The following DCC variants were observed in gnomAD, a reference collection of about 807,000 sequenced individuals.
DCC encodes DCC netrin 1 receptor.
Under a neutral mutation model 172.5 loss-of-function variants are expected in DCC, and 58 were observed. The ratio of observed to expected loss-of-function variants is 0.34; its 90% confidence interval spans 0.27 to 0.42. The LOEUF is 0.42. DCC is among the 10% of genes least tolerant of loss of function. The probability of loss-of-function intolerance (pLI) is 1.00; values close to 1 mark genes in which losing one functional copy is unlikely to be tolerated. For synonymous variants in DCC, 709 were observed against 644.5 expected, an observed-to-expected ratio of 1.10 and a Z score of -1.52; for missense variants, 1,740 against 1,791.0, an observed-to-expected ratio of 0.97 and a Z score of 0.51.
At chr18:53,287,628 A>G (rs932510965) in intron 12 of DCC, among the ~76,000 whole-genome samples, 4 of 152,128 alleles carry the variant, frequency 2.6e-5, no homozygotes, top group Admixed American at 6.5e-5. Context: ...CCCACCAGCC[A>G]GTTGTGTGAA....
intron 14 of DCC, 37 bp downstream of exon 14, chr18:53,322,194 C>A: frequency 9.3e-7 from 1 of 1,080,254 alleles, no homozygotes; most frequent in Non-Finnish European, 1.4e-6. Context: ...CTCTGATTAT[C>A]TTCTTGTTAT....
At chr18:53,412,265 C>T (rs910944579) in intron 20 of DCC, among the ~76,000 whole-genome samples, 2 of 152,020 alleles carry the variant, frequency 1.3e-5, no homozygotes, top group Non-Finnish European at 2.9e-5. Flanking sequence ...ATGTCATGCT[C>T]GATAATAGTC....
chr18:52,357,231 GAA>G (rs1984409422), intron 1 of DCC, among the ~76,000 whole-genome samples: 1 of 152,050 alleles, frequency 6.6e-6, no homozygotes, highest in Admixed American at 6.5e-5. Flanking sequence ...TCCAATAAAA[GAA>G]ACCAGAGCTC....
intron 1 of DCC, among the ~76,000 whole-genome samples, chr18:52,693,771 G>C (rs116612678): frequency 0.013 from 1,965 of 152,048 alleles, 35 homozygotes; most frequent in African/African-American, 0.045. Context: ...ATATGAAAGA[G>C]CTCCCAATTG....
At chr18:52,418,592 A>T (rs149055896) in intron 1 of DCC, among the ~76,000 whole-genome samples, 1 of 152,246 alleles carries the variant, frequency 6.6e-6, no homozygotes, top group African/African-American at 2.4e-5. Flanking sequence ...GGAGATGGGG[A>T]CAGAAGGTTG....
At chr18:52,435,959 T>C (rs1168351703) in intron 1 of DCC, among the ~76,000 whole-genome samples, 2 of 152,218 alleles carry the variant, frequency 1.3e-5, no homozygotes, top group African/African-American at 2.4e-5. Context: ...AGATGACCCA[T>C]GGCAACCATC....
At chr18:53,415,822 T>A (rs1910281636) in intron 20 of DCC, among the ~76,000 whole-genome samples, 1 of 150,644 alleles carries the variant, frequency 6.6e-6, no homozygotes, top group South Asian at 2.1e-4. Context: ...AGTTTTTTTT[T>A]ACTGTTAATT....
chr18:53,237,348 A>G (rs1380953557), intron 12 of DCC, among the ~76,000 whole-genome samples: 2 of 152,272 alleles, frequency 1.3e-5, no homozygotes, highest in African/African-American at 4.8e-5. Flanking sequence ...AAAGTGTTTT[A>G]TATATCTTGG....
chr18:53,438,542 A>G (rs1912087072), intron 22 of DCC, among the ~76,000 whole-genome samples: 1 of 152,250 alleles, frequency 6.6e-6, no homozygotes, highest in Non-Finnish European at 1.5e-5. Flanking sequence ...ATACATGAAT[A>G]GGCAACTAGA....
chr18:52,625,553 TTC>T (rs1407440697), intron 1 of DCC, among the ~76,000 whole-genome samples: 3 of 152,092 alleles, frequency 2.0e-5, no homozygotes, highest in Admixed American at 2.0e-4. Flanking sequence ...TCATTAATGT[TTC>T]TCTCTCTACT....
intron 7 of DCC, among the ~76,000 whole-genome samples, chr18:53,142,699 C>T (rs1302238088): frequency 1.3e-5 from 2 of 152,180 alleles, no homozygotes; most frequent in African/African-American, 2.4e-5. Flanking sequence ...CCACTGCTAA[C>T]GTCTCACATG....
At chr18:53,405,029 C>G (rs1909571314) in intron 19 of DCC, among the ~76,000 whole-genome samples, 1 of 151,806 alleles carries the variant, frequency 6.6e-6, no homozygotes, top group South Asian at 2.1e-4. Flanking sequence ...CAATAAGAAC[C>G]CTTAAGAGAA....
chr18:52,586,614 A>G (rs966358466), intron 1 of DCC, among the ~76,000 whole-genome samples: 2 of 152,180 alleles, frequency 1.3e-5, no homozygotes, highest in African/African-American at 4.8e-5. Flanking sequence ...TGTTGCAGGA[A>G]CAGGAAGCAA....
intron 1 of DCC, among the ~76,000 whole-genome samples, chr18:52,457,618 AC>A (rs1232818507): frequency 1.3e-5 from 2 of 152,180 alleles, no homozygotes; most frequent in African/African-American, 4.8e-5. Context: ...ATGTTAGTAA[AC>A]GGCCAAAGAA....
At chr18:53,527,071 C>T (rs1598851644) in intron 28 of DCC, 1 of 375,652 alleles carries the variant, frequency 2.7e-6, no homozygotes, top group Non-Finnish European at 5.1e-6. Flanking sequence ...TACATATACA[C>T]ATGATATACA....
chr18:53,299,474 C>T (rs1404345592), intron 12 of DCC, among the ~76,000 whole-genome samples: 2 of 152,172 alleles, frequency 1.3e-5, no homozygotes, highest in South Asian at 4.1e-4. Flanking sequence ...GTTTTAAATA[C>T]CATTCCCAAC....
At chr18:53,353,788 ACTT>A (rs2057841688) in intron 15 of DCC, among the ~76,000 whole-genome samples, 1 of 151,932 alleles carries the variant, frequency 6.6e-6, no homozygotes, top group African/African-American at 2.4e-5. Context: ...TTTTTATTAT[ACTT>A]TAAGTTCTAG....
intron 2 of DCC, among the ~76,000 whole-genome samples, chr18:52,814,441 T>C (rs1320667039): frequency 6.6e-6 from 1 of 152,138 alleles, no homozygotes; most frequent in East Asian, 1.9e-4. Context: ...CTCTGACACC[T>C]CCTCTTTCAG....
intron 2 of DCC, among the ~76,000 whole-genome samples, chr18:52,809,007 T>G (rs2038143510): frequency 6.6e-6 from 1 of 152,330 alleles, no homozygotes; most frequent in African/African-American, 2.4e-5. Context: ...AGCGTATGCC[T>G]GGGTAATCCT....
Sources: allele counts gnomAD v4.1 joint callset (sites outside exome capture counted in the v4.1 genomes callset), GRCh38; gene constraint gnomAD v4.1.1; transcripts MANE v1.5; gene names NCBI Gene and HGNC (gene_info 2026-07-23, HGNC 2026-07-21).